The following CACNG3 variants were observed in gnomAD, a reference collection of about 807,000 sequenced individuals.
CACNG3 encodes the protein calcium voltage-gated channel auxiliary subunit gamma 3, also known as voltage-dependent calcium channel gamma-3 subunit.
CACNG3 carries 3 observed loss-of-function variants against 28.5 expected under a neutral mutation model. That is an observed-to-expected ratio of 0.11 (90% CI 0.05 to 0.27). The LOEUF (loss-of-function observed/expected upper bound fraction) is 0.27, where lower values mean the gene tolerates loss of function less well. CACNG3 is among the 10% of genes least tolerant of loss of function. The pLI, the probability that CACNG3 is intolerant of heterozygous loss-of-function variation, is 1.00. For missense variants in CACNG3, 236 were observed against 414.4 expected, an observed-to-expected ratio of 0.57 and a Z score of 3.74; for synonymous variants, 174 against 162.2, an observed-to-expected ratio of 1.07 and a Z score of -0.55.
intron 1 of CACNG3, among the ~76,000 whole-genome samples, chr16:24,280,512 T>C (rs1262211003): frequency 1.3e-5 from 2 of 152,132 alleles, no homozygotes; most frequent in Non-Finnish European, 2.9e-5. Context: ...GCTGAGCTTA[T>C]GCTAATAACA....
At position 24,346,619 on chromosome 16, in the gene CACNG3, AC is replaced by A. The variant is rs1401943361; in HGVS notation, c.212-112del. The A allele has an allele frequency of 1.4e-5, 10 of 702,108 alleles. No individual in the cohort carries two copies. In the African/African-American group the frequency reaches 1.4e-4, roughly 10 times the overall value. 43.5% of individuals were successfully genotyped at this position (702,108 alleles called of 1,614,324 possible). ...TGCTCTTGGGCCTACCAGCCCAACA[AC>A]CCTACAGCCCCCAACAACCAGAGAA... On this transcript the variant is annotated intron_variant, in intron 1 of 3. Coordinates refer to ENST00000005284, the MANE Select transcript of CACNG3 (RefSeq NM_006539.4).
intron 1 of CACNG3, among the ~76,000 whole-genome samples, chr16:24,299,741 G>A (rs772815306): frequency 4.6e-5 from 7 of 152,120 alleles, no homozygotes; most frequent in Non-Finnish European, 1.0e-4. Context: ...GTTGAATCCA[G>A]TATGACGTGG....
At chr16:24,308,795 T>C (rs1482447286) in intron 1 of CACNG3, among the ~76,000 whole-genome samples, 1 of 126,962 alleles carries the variant, frequency 7.9e-6, no homozygotes, top group African/African-American at 3.1e-5. Context: ...AGTGCTGATG[T>C]CACCACTGTG....
At chr16:24,296,877 T>C (rs1167759103) in intron 1 of CACNG3, among the ~76,000 whole-genome samples, 1 of 152,108 alleles carries the variant, frequency 6.6e-6, no homozygotes, top group African/African-American at 2.4e-5. Context: ...TGACCTGTAA[T>C]TGCCCCTCAA....
intron 3 of CACNG3, among the ~76,000 whole-genome samples, chr16:24,357,886 C>A (rs903083089): frequency 5.3e-5 from 8 of 152,068 alleles, no homozygotes; most frequent in Middle Eastern, 3.2e-3. Context: ...TCACCAGCAA[C>A]TTTCTTCTCA....
At chr16:24,309,346 CA>C (rs1448417456) in intron 1 of CACNG3, among the ~76,000 whole-genome samples, 2 of 152,194 alleles carry the variant, frequency 1.3e-5, no homozygotes, top group Admixed American at 6.5e-5. Flanking sequence ...GTCATCACAG[CA>C]AGCACCAGAG....
chr16:24,308,839 C>CAAAAAAAAAAAAAA (rs71154298), intron 1 of CACNG3, among the ~76,000 whole-genome samples: 48 of 27,268 alleles, frequency 1.8e-3, no homozygotes, highest in East Asian at 2.7e-3. Context: ...GAACCTACCT[C>CAAAAAAAAAAAAAA]AAAAAAAAAA....
intron 1 of CACNG3, among the ~76,000 whole-genome samples, chr16:24,278,543 G>A (rs1898781113): frequency 6.6e-6 from 1 of 152,172 alleles, no homozygotes; most frequent in South Asian, 2.1e-4. Flanking sequence ...TTGAACCTGG[G>A]AGGTGGAGGT....
At chr16:24,310,201 G>A (rs1229944493) in intron 1 of CACNG3, among the ~76,000 whole-genome samples, 2 of 152,250 alleles carry the variant, frequency 1.3e-5, no homozygotes, top group Non-Finnish European at 1.5e-5. Context: ...TTCAATGTTT[G>A]AAAGTCAGAG....
intron 1 of CACNG3, among the ~76,000 whole-genome samples, chr16:24,268,261 C>A (rs1325229032): frequency 6.6e-6 from 1 of 152,206 alleles, no homozygotes; most frequent in Non-Finnish European, 1.5e-5. Context: ...CTGTCTACTA[C>A]TAGTTGTCTG....
chr16:24,322,184 C>T (rs1899470347), intron 1 of CACNG3, among the ~76,000 whole-genome samples: 1 of 152,112 alleles, frequency 6.6e-6, no homozygotes, highest in Non-Finnish European at 1.5e-5. Context: ...CACCCTGTGC[C>T]CCGCTGATGA....
intron 1 of CACNG3, among the ~76,000 whole-genome samples, chr16:24,287,763 A>G (rs940619265): frequency 7.2e-5 from 11 of 152,166 alleles, no homozygotes; most frequent in Admixed American, 1.3e-4. Flanking sequence ...GGGAACCTCT[A>G]TAACACTAAG....
chr16:24,353,820 G>A (rs756799281), intron 2 of CACNG3, among the ~76,000 whole-genome samples: 11 of 152,186 alleles, frequency 7.2e-5, no homozygotes, highest in Non-Finnish European at 1.3e-4. Flanking sequence ...GCATTTTAAT[G>A]AGCAGCATGT....
chr16:24,302,861 T>C (rs1899132417), intron 1 of CACNG3, among the ~76,000 whole-genome samples: 2 of 152,226 alleles, frequency 1.3e-5, no homozygotes, highest in Middle Eastern at 3.4e-3. Flanking sequence ...AGTTTCACCA[T>C]GTTGGCCAGG....
At chr16:24,275,452 C>T (rs566656112) in intron 1 of CACNG3, among the ~76,000 whole-genome samples, 1 of 152,236 alleles carries the variant, frequency 6.6e-6, no homozygotes, top group African/African-American at 2.4e-5. Flanking sequence ...GTCTGAGTAA[C>T]CAAATGAGAA....
intron 1 of CACNG3, among the ~76,000 whole-genome samples, chr16:24,332,952 G>A (rs1253941717): frequency 6.6e-6 from 1 of 152,124 alleles, no homozygotes; most frequent in African/African-American, 2.4e-5. Context: ...GCCTGCTGGA[G>A]GGACACAAGC....
intron 1 of CACNG3, among the ~76,000 whole-genome samples, chr16:24,309,901 C>T (rs1054508629): frequency 6.6e-6 from 1 of 152,162 alleles, no homozygotes; most frequent in African/African-American, 2.4e-5. Context: ...AGCTGGATCA[C>T]AGAAGGTGTC....
intron 1 of CACNG3, among the ~76,000 whole-genome samples, chr16:24,345,495 G>A (rs1201543173): frequency 1.3e-5 from 2 of 152,178 alleles, no homozygotes; most frequent in African/African-American, 4.8e-5. Context: ...GATGTCAGGA[G>A]TTCGAGATCA....
At chr16:24,308,823 G>T (rs1314926459) in intron 1 of CACNG3, among the ~76,000 whole-genome samples, 1 of 117,344 alleles carries the variant, frequency 8.5e-6, no homozygotes, top group Non-Finnish European at 1.6e-5. Context: ...CTGGCTGATG[G>T]AGTGAGAACC....
Sources: gnomAD v4.1 joint callset for allele counts (sites outside exome capture counted in the v4.1 genomes callset) on GRCh38, gnomAD v4.1.1 for gene constraint, MANE v1.5 for transcripts, NCBI Gene and HGNC (gene_info 2026-07-23, HGNC 2026-07-21) for gene names.